N4BP1: variants seen among roughly 807,000 people sequenced by gnomAD.
N4BP1 encodes NEDD4-binding protein 1.
A neutral mutation model predicts 70.9 loss-of-function variants in N4BP1; 21 were observed. The observed-to-expected ratio is 0.30, with a 90% CI of 0.21 to 0.43. The LOEUF (loss-of-function observed/expected upper bound fraction) is 0.43. N4BP1 is among the 20% of genes least tolerant of loss of function. The pLI, the probability that N4BP1 is intolerant of heterozygous loss-of-function variation, is 1.00. For missense variants in N4BP1, 936 were observed against 1,069.4 expected, an observed-to-expected ratio of 0.88 and a Z score of 1.74; for synonymous variants, 387 against 394.6, an observed-to-expected ratio of 0.98 and a Z score of 0.23.
chr16:48,601,318 T>G (rs957574662), intron 1 of N4BP1, among the ~76,000 whole-genome samples: 1 of 152,226 alleles, frequency 6.6e-6, no homozygotes, highest in Non-Finnish European at 1.5e-5. Flanking sequence ...AGAACAAACT[T>G]TATTTTTCTA....
chr16:48,549,310 G>T (rs1020930174), intron 4 of N4BP1, among the ~76,000 whole-genome samples: 2 of 152,134 alleles, frequency 1.3e-5, no homozygotes, highest in African/African-American at 4.8e-5. Context: ...ATTTCTAACT[G>T]GTGTGAGTTG....
At chr16:48,572,376 G>T (rs1376838619) in intron 1 of N4BP1, among the ~76,000 whole-genome samples, 1 of 152,096 alleles carries the variant, frequency 6.6e-6, no homozygotes, top group Non-Finnish European at 1.5e-5. Flanking sequence ...ACATACAAAA[G>T]AATGACAGTA....
rs1389910266 is a variant in N4BP1, at chr16:48,560,858, C to T, written c.1785G>A (p.Arg595=). 1 of 1,613,920 alleles carries T rather than the reference C, an allele frequency of 6.2e-7. No individual in the cohort carries two copies. The highest frequency in any genetic ancestry group is 1.3e-5 in the African/African-American group (1 of 75,014). Residue 595 remains arginine (R), a synonymous_variant, in exon 2 of 7, where the codon AGG becomes AGA. Transcript: ENST00000262384. The part of the protein sequence containing the change: ...HIDSSVTGVQ[R]FRDTLKIPYK... ...AGGGTATTTTTAGAGTATCTCGAAA[C>T]CTTTGAACCCCAGTAACTGAGGAAT...
chr16:48,568,922 A>C (rs1353522016), intron 1 of N4BP1, among the ~76,000 whole-genome samples: 1 of 152,126 alleles, frequency 6.6e-6, no homozygotes, highest in East Asian at 1.9e-4. Context: ...CATCATGTTT[A>C]TATCTTTTGC....
chr16:48,563,374 T>C (rs1383561059), intron 1 of N4BP1, among the ~76,000 whole-genome samples: 2 of 151,724 alleles, frequency 1.3e-5, no homozygotes, highest in Non-Finnish European at 2.9e-5. Flanking sequence ...ATTTTTTAAA[T>C]TTTTAATTGA....
chr16:48,608,574 T>G (rs980298447), intron 1 of N4BP1, among the ~76,000 whole-genome samples: 2 of 152,120 alleles, frequency 1.3e-5, no homozygotes, highest in African/African-American at 4.8e-5. Flanking sequence ...TGAATCCTGC[T>G]GCCCTACTTA....
chr16:48,558,959 AAC>A (rs1310783584), intron 2 of N4BP1, among the ~76,000 whole-genome samples: 1 of 152,238 alleles, frequency 6.6e-6, no homozygotes, highest in Non-Finnish European at 1.5e-5. Flanking sequence ...TTGACAGCAA[AAC>A]ACAGCTTCGA....
intron 1 of N4BP1, among the ~76,000 whole-genome samples, chr16:48,588,842 CCT>C (rs891196408): frequency 4.6e-5 from 7 of 151,916 alleles, no homozygotes; most frequent in Non-Finnish European, 7.4e-5. Flanking sequence ...ATATACAACC[CCT>C]GAGGTAAAAA....
chr16:48,562,967 A>C (rs1415128920), intron 1 of N4BP1, among the ~76,000 whole-genome samples: 2 of 135,900 alleles, frequency 1.5e-5, no homozygotes, highest in African/African-American at 6.0e-5. Context: ...AAGAAGCAAG[A>C]ATAACATTAA....
chr16:48,570,598 C>T (rs985654219), intron 1 of N4BP1, among the ~76,000 whole-genome samples: 23 of 152,200 alleles, frequency 1.5e-4, no homozygotes, highest in African/African-American at 4.8e-4. Flanking sequence ...CCACCCATTT[C>T]GGCCTCCCAA....
intron 1 of N4BP1, among the ~76,000 whole-genome samples, chr16:48,606,434 T>G (rs1156519922): frequency 6.6e-6 from 1 of 152,210 alleles, no homozygotes; most frequent in Non-Finnish European, 1.5e-5. Flanking sequence ...GCCTTCATCT[T>G]TCCCAGGAGC....
At chr16:48,551,654 T>C (rs1963667782) in intron 3 of N4BP1, among the ~76,000 whole-genome samples, 172 bp from the exon 4 acceptor site, 1 of 152,020 alleles carries the variant, frequency 6.6e-6, no homozygotes. Context: ...GCAAGACCCA[T>C]ACTAAGGCAA....
intron 1 of N4BP1, among the ~76,000 whole-genome samples, chr16:48,571,332 T>TCAAAACAAATAGA (rs1964018243): frequency 6.6e-6 from 1 of 152,098 alleles, no homozygotes; most frequent in Non-Finnish European, 1.5e-5. Flanking sequence ...AAACAAATGC[T>TCAAAACAAATAGA]CCCTCAAAAG....
In N4BP1 at chr16:48,560,759, T is replaced by G; in HGVS notation, c.1884A>C (p.Ala628=). The part of the protein sequence containing the change: ...KHIVIDGSNV[A]ITHGLKKFFS... ...TCTGCAGAGAATGGACTTACGTAAT[T>G]GCAACATTGCTCCCATCTATAACAA... The change falls in exon 2 of 7, where the codon GCA becomes GCC. Residue 628 remains alanine, a synonymous_variant. Coordinates refer to ENST00000262384, the MANE Select transcript of N4BP1 (RefSeq NM_153029.4). 1 of 1,596,236 alleles carries G rather than the reference T, an allele frequency of 6.3e-7. No homozygotes were observed. The highest frequency in any genetic ancestry group is 8.5e-7 in the Non-Finnish European group (1 of 1,172,956).
chr16:48,577,692 C>A, intron 1 of N4BP1: 2 of 209,638 alleles, frequency 9.5e-6, no homozygotes, highest in South Asian at 1.8e-4. Flanking sequence ...CAAAGGTGGT[C>A]TTGGCAAAGT....
intron 4 of N4BP1, among the ~76,000 whole-genome samples, chr16:48,549,268 C>A (rs1963631899): frequency 6.6e-6 from 1 of 152,186 alleles, no homozygotes; most frequent in Non-Finnish European, 1.5e-5. Flanking sequence ...TGATTTAGTT[C>A]TTTGGCTTTA....
chr16:48,544,921 T>C (rs555648335), intron 6 of N4BP1, among the ~76,000 whole-genome samples: 1 of 152,274 alleles, frequency 6.6e-6, no homozygotes, highest in East Asian at 1.9e-4. Flanking sequence ...TGAACCTAAG[T>C]AGTATTCGCC....
chr16:48,548,756 C>T (rs1477149374), intron 4 of N4BP1, among the ~76,000 whole-genome samples: 4 of 150,764 alleles, frequency 2.7e-5, no homozygotes, highest in Non-Finnish European at 5.9e-5. Flanking sequence ...GGAGGATCAG[C>T]TGAGCCCAGG....
chr16:48,609,747 G>A, intron 1 of N4BP1, 28 bp downstream of exon 1: 1 of 1,321,190 alleles, frequency 7.6e-7, no homozygotes, highest in Non-Finnish European at 9.6e-7. Flanking sequence ...CGAGGCCGCG[G>A]GCGCGCGGGG....
Sources: allele counts gnomAD v4.1 joint callset (sites outside exome capture counted in the v4.1 genomes callset), GRCh38; gene constraint gnomAD v4.1.1; transcripts MANE v1.5; gene names NCBI Gene and HGNC (gene_info 2026-07-23, HGNC 2026-07-21).